The following RANBP2 variants were observed in gnomAD, a reference collection of about 807,000 sequenced individuals.
The protein encoded by RANBP2 is RAN binding protein 2, also known as E3 SUMO-protein ligase RanBP2.
Under a neutral mutation model 303.6 loss-of-function variants are expected in RANBP2, and 57 were observed. The ratio of observed to expected loss-of-function variants is 0.19; its 90% CI spans 0.15 to 0.23. RANBP2 has a LOEUF of 0.23. RANBP2 is among the 10% of genes least tolerant of loss of function. The pLI, the probability that RANBP2 is intolerant of heterozygous loss-of-function variation, is 1.00. For synonymous variants in RANBP2, 1,167 were observed against 1,301.5 expected, an observed-to-expected ratio of 0.90 and a Z score of 2.23; for missense variants, 3,138 against 3,780.8, an observed-to-expected ratio of 0.83 and a Z score of 4.46.
At chr2:108,880,387 A>G in the RANBP2 span, among the ~76,000 whole-genome samples, 3 of 152,188 alleles carry the variant, frequency 2.0e-5, no homozygotes, top group Non-Finnish European at 4.4e-5. Context: ...TCAAAATCCT[A>G]ACAAGTTATT....
chr2:109,394,947 G>A, the RANBP2 span, among the ~76,000 whole-genome samples: 25 of 152,376 alleles, frequency 1.6e-4, no homozygotes, highest in African/African-American at 5.8e-4. Context: ...ACTGGCAGGC[G>A]AGGGCATCCT....
chr2:109,766,254 A>G, the RANBP2 span, among the ~76,000 whole-genome samples: 2 of 151,168 alleles, frequency 1.3e-5, no homozygotes, highest in Non-Finnish European at 2.9e-5. Flanking sequence ...GCAGTGGGGA[A>G]GGGGCTGCTC....
Position 108,768,293 on chromosome 2 carries a change from T to C in RANBP2, c.7754T>C (p.Ile2585Thr), listed in dbSNP as rs145886643. ...KKCELSKNSD[I>T]EQSSDSKVKN... ...TGTGAACTGTCAAAGAACTCTGATA[T>C]CGAACAGTCTTCAGATAGCAAAGTC... Residue 2585 changes from isoleucine to threonine, a missense_variant, in exon 20 of 29, where the codon ATC (isoleucine) becomes ACC (threonine). This residue lies in a region of RANBP2 where 497 missense variants were observed against 465.8 expected (regional missense o/e 1.07). Transcript: ENST00000283195. 9,808 of 1,612,030 alleles carry C rather than the reference T, an allele frequency of 6.1e-3. 47 individuals carry two copies. The highest frequency in any genetic ancestry group is 7.9e-3 in the Admixed American group (477 of 60,022).
chr2:109,057,527 T>C, the RANBP2 span, among the ~76,000 whole-genome samples: 1,783 of 152,338 alleles, frequency 0.012, 38 homozygotes, highest in African/African-American at 0.04. Flanking sequence ...CAGATTTCTA[T>C]AGTGTCTCTC....
At chr2:109,020,009 A>C in the RANBP2 span, among the ~76,000 whole-genome samples, 38 of 152,270 alleles carry the variant, frequency 2.5e-4, 1 homozygote, top group South Asian at 7.5e-3. Context: ...GTGGGGGTGA[A>C]GTTTCGGGGC....
chr2:108,839,281 C>A, the RANBP2 span: 2 of 1,611,718 alleles, frequency 1.2e-6, no homozygotes, highest in Non-Finnish European at 1.7e-6. Flanking sequence ...GTCCCTAAGG[C>A]AGCTAGATGC....
At chr2:109,440,085 T>C in the RANBP2 span, among the ~76,000 whole-genome samples, 1 of 152,222 alleles carries the variant, frequency 6.6e-6, no homozygotes, top group African/African-American at 2.4e-5. Flanking sequence ...GCATGAGCAA[T>C]GGCCTGGCAA....
At chr2:109,316,431 C>T in the RANBP2 span, among the ~76,000 whole-genome samples, 313 of 152,306 alleles carry the variant, frequency 2.1e-3, 1 homozygote, top group African/African-American at 6.9e-3. Context: ...AGGAGGAACA[C>T]AGGTGTGATG....
the RANBP2 span, among the ~76,000 whole-genome samples, chr2:109,508,819 C>G: frequency 4.6e-5 from 7 of 152,136 alleles, no homozygotes; most frequent in African/African-American, 1.7e-4. Context: ...ACACAGCTGC[C>G]CACCCCAGCC....
the RANBP2 span, among the ~76,000 whole-genome samples, chr2:109,570,347 C>G: frequency 1.3e-5 from 2 of 152,128 alleles, no homozygotes; most frequent in Non-Finnish European, 2.9e-5. Flanking sequence ...TTGTAATGCT[C>G]ATTAATGTCT....
At chr2:109,477,083 G>C in the RANBP2 span, among the ~76,000 whole-genome samples, 99 of 152,328 alleles carry the variant, frequency 6.5e-4, no homozygotes, top group African/African-American at 2.3e-3. Context: ...ATGCACCCCA[G>C]TAGGTCTCAG....
chr2:109,625,434 C>T, the RANBP2 span, among the ~76,000 whole-genome samples: 317 of 150,878 alleles, frequency 2.1e-3, 2 homozygotes, highest in South Asian at 0.018. Context: ...GCAGGCGGAT[C>T]GCGAGGTCAG....
At chr2:109,238,994 GA>G in the RANBP2 span, among the ~76,000 whole-genome samples, 1 of 152,208 alleles carries the variant, frequency 6.6e-6, no homozygotes, top group Non-Finnish European at 1.5e-5. Context: ...TTCATGAGAG[GA>G]AAAGCTACTG....
the RANBP2 span, among the ~76,000 whole-genome samples, chr2:109,039,922 CT>C: frequency 1.6e-4 from 24 of 152,140 alleles, no homozygotes; most frequent in African/African-American, 5.3e-4. Context: ...TGCAGCTTGC[CT>C]TTTCACTCTC....
the RANBP2 span, among the ~76,000 whole-genome samples, chr2:109,068,828 A>G: frequency 6.6e-6 from 1 of 152,224 alleles, no homozygotes; most frequent in Non-Finnish European, 1.5e-5. Flanking sequence ...AGCAAATATG[A>G]TGATATGTCA....
At chr2:108,725,055 TGC>T (rs1286980833) in intron 1 of RANBP2, among the ~76,000 whole-genome samples, 2 of 152,228 alleles carry the variant, frequency 1.3e-5, no homozygotes, top group African/African-American at 2.4e-5. Flanking sequence ...TATCTTACTG[TGC>T]AAGATAGAGA....
the RANBP2 span, among the ~76,000 whole-genome samples, chr2:108,952,981 C>G: frequency 6.6e-6 from 1 of 152,054 alleles, no homozygotes; most frequent in East Asian, 1.9e-4. Context: ...TTTCTGAGGT[C>G]TTTTTAAAAA....
chr2:108,815,947 C>G, the RANBP2 span: 9 of 1,606,994 alleles, frequency 5.6e-6, no homozygotes, highest in Non-Finnish European at 7.6e-6. Context: ...ATAGGTACCA[C>G]TTAATGGGCA....
the RANBP2 span, among the ~76,000 whole-genome samples, chr2:108,931,836 A>C: frequency 6.6e-6 from 1 of 151,990 alleles, no homozygotes; most frequent in Non-Finnish European, 1.5e-5. Context: ...CTACAAAGAG[A>C]GATAATGTGC....
Sources: gnomAD v4.1 joint callset for allele counts (sites outside exome capture counted in the v4.1 genomes callset) on GRCh38, gnomAD v4.1.1 for gene constraint, gnomAD v4.1.1 regional missense constraint, MANE v1.5 for transcripts, NCBI Gene and HGNC (gene_info 2026-07-23, HGNC 2026-07-21) for gene names.